SOX5: variants seen among roughly 807,000 people sequenced by gnomAD.
SOX5 encodes SRY-box transcription factor 5, also known as transcription factor SOX-5.
Under a neutral mutation model 92.0 loss-of-function variants are expected in SOX5, and 9 were observed. The ratio of observed to expected loss-of-function variants is 0.10; its 90% CI spans 0.06 to 0.17. The LOEUF (loss-of-function observed/expected upper bound fraction) is 0.17, where lower values mean the gene tolerates loss of function less well. Ranked by LOEUF, SOX5 falls within the 10% of genes least tolerant of loss-of-function variation. SOX5 has a pLI of 1.00. For synonymous variants in SOX5, 344 were observed against 336.3 expected (o/e 1.02, Z -0.25); for missense variants, 642 against 944.5 (o/e 0.68, Z 4.20).
chr12:23,914,399 A>G (rs2097389356), intron 1 of SOX5, among the ~76,000 whole-genome samples: 1 of 152,196 alleles, frequency 6.6e-6, no homozygotes, highest in South Asian at 2.1e-4. Context: ...GCTTAATTAA[A>G]TAGACATTGA....
chr12:23,683,814 C>CA (rs1168577890), intron 6 of SOX5, among the ~76,000 whole-genome samples: 2 of 152,004 alleles, frequency 1.3e-5, no homozygotes, highest in African/African-American at 2.4e-5. Flanking sequence ...CTAACCCTAA[C>CA]ACCCCATTGG....
chr12:23,543,112 G>T, intron 13 of SOX5, 99 bp downstream of exon 13: 1 of 921,668 alleles, frequency 1.1e-6, no homozygotes, highest in South Asian at 2.2e-5. Context: ...CAAATAACAC[G>T]ACCTGTATGG....
chr12:23,998,826 G>A (rs1410883214), intron 4 of SOX5, among the ~76,000 whole-genome samples: 8 of 107,654 alleles, frequency 7.4e-5, no homozygotes, highest in African/African-American at 1.4e-4. Context: ...AAAAAAAAAA[G>A]GGGGGGCGAA....
At chr12:24,360,065 GA>G (rs1490457432) in intron 2 of SOX5, among the ~76,000 whole-genome samples, 2 of 152,210 alleles carry the variant, frequency 1.3e-5, no homozygotes, top group African/African-American at 2.4e-5. Context: ...GAAGGAGACA[GA>G]ATCTTTTTGT....
intron 1 of SOX5, among the ~76,000 whole-genome samples, chr12:24,450,068 T>C (rs1942049172): frequency 6.6e-6 from 1 of 152,192 alleles, no homozygotes; most frequent in East Asian, 1.9e-4. Flanking sequence ...AACACTAATC[T>C]CAATGAGGAA....
At chr12:23,593,731 A>G (rs1951910492) in intron 9 of SOX5, among the ~76,000 whole-genome samples, 1 of 152,134 alleles carries the variant, frequency 6.6e-6, no homozygotes, top group Non-Finnish European at 1.5e-5. Context: ...TAAATTTTAT[A>G]AAAGTTTTAC....
chr12:23,698,293 T>C (rs1025070801), intron 6 of SOX5, among the ~76,000 whole-genome samples: 2 of 152,196 alleles, frequency 1.3e-5, no homozygotes, highest in African/African-American at 4.8e-5. Context: ...ATGAAATATT[T>C]TGAAAATTCT....
chr12:24,504,446 T>C (rs1948524770), intron 1 of SOX5, among the ~76,000 whole-genome samples: 1 of 152,214 alleles, frequency 6.6e-6, no homozygotes, highest in African/African-American at 2.4e-5. Flanking sequence ...ATAAATTTTT[T>C]AAGAGAAAAA....
chr12:23,874,360 T>A (rs1030652267), intron 2 of SOX5, among the ~76,000 whole-genome samples: 1 of 152,192 alleles, frequency 6.6e-6, no homozygotes, highest in Non-Finnish European at 1.5e-5. Flanking sequence ...TACTGCTGAT[T>A]GTGGACTTGA....
At chr12:23,681,171 T>G (rs1050939478) in intron 6 of SOX5, among the ~76,000 whole-genome samples, 28 of 152,050 alleles carry the variant, frequency 1.8e-4, no homozygotes, top group African/African-American at 6.5e-4. Context: ...GCTATGGTTA[T>G]TTTAAAACTC....
At chr12:23,807,645 T>TA (rs1001545874) in intron 3 of SOX5, among the ~76,000 whole-genome samples, 2 of 150,298 alleles carry the variant, frequency 1.3e-5, no homozygotes, top group African/African-American at 4.9e-5. Flanking sequence ...AAATTCCATT[T>TA]TTTTTTTTTT....
chr12:24,094,764 CCA>C (rs1344407128), intron 4 of SOX5, among the ~76,000 whole-genome samples: 2 of 152,244 alleles, frequency 1.3e-5, no homozygotes, highest in Non-Finnish European at 2.9e-5. Flanking sequence ...GCCACCATTG[CCA>C]CACATCTTGC....
Position 24,270,699 on chromosome 12 carries a change from C to A in SOX5, c.-77+6517G>T, listed in dbSNP as rs113774067. ...CTCTTTCCTCATTCGTAGATATCAG[C>A]ACTCCCTGGCTTTTACACTAGTATT... On this transcript the variant is annotated intron_variant, in intron 3 of 4. Coordinates refer to the SOX5 transcript ENST00000446891. Among the ~76,000 whole-genome samples the A allele has an allele frequency of 3.8e-3, 575 of 152,290 alleles. 9 individuals carry two copies. Among genetic ancestry groups the A allele is most frequent in the African/African-American group, 0.013 (543 of 41,566 alleles).
At position 23,987,845 on chromosome 12, in the gene SOX5, G is replaced by A. The variant is rs79618189; in HGVS notation, c.-1-91821C>T. 9.0e-3 allele frequency among the ~76,000 whole-genome samples: 1,362 copies of A among 152,138 alleles called. 16 individuals carry two copies. The highest frequency in any genetic ancestry group is 0.012 in the Non-Finnish European group (810 of 68,004). On this transcript the variant is annotated intron_variant, in intron 4 of 4. Coordinates refer to the SOX5 transcript ENST00000446891. ...AAGACACATGGTAAAATAGATGATG[G>A]GAATTCATTGAAAGGTTAAAGACAA...
At chr12:24,538,608 C>A (rs1347510698) in intron 1 of SOX5, among the ~76,000 whole-genome samples, 1 of 121,802 alleles carries the variant, frequency 8.2e-6, no homozygotes, top group African/African-American at 6.6e-5. Context: ...AACACACACA[C>A]ACACACACAC....
chr12:24,135,507 T>C (rs148034983), intron 4 of SOX5, among the ~76,000 whole-genome samples: 2,838 of 152,338 alleles, frequency 0.019, 51 homozygotes, highest in Middle Eastern at 0.071. Context: ...AGTATCTGCT[T>C]TGTGGAATGC....
chr12:23,748,834 T>G (rs1450057206), intron 4 of SOX5, among the ~76,000 whole-genome samples: 1 of 151,972 alleles, frequency 6.6e-6, no homozygotes, highest in African/African-American at 2.4e-5. Context: ...TTCATTGTAT[T>G]GCCTTTTAAT....
intron 2 of SOX5, among the ~76,000 whole-genome samples, chr12:24,343,765 G>A (rs1292812807): frequency 6.6e-6 from 1 of 152,152 alleles, no homozygotes; most frequent in Non-Finnish European, 1.5e-5. Context: ...CAGGTAAGAA[G>A]TTGGAGGGGC....
At position 24,358,018 on chromosome 12, in the gene SOX5, T is replaced by C. The variant is rs1000603847; in HGVS notation, c.-174+10545A>G. Reference sequence around the variant, plus strand: ...TAAAATCCATGCCTTGTCTACTTTGTTCATTACCATATTTTCAAGACTGGC... The same window carrying C: ...TAAAATCCATGCCTTGTCTACTTTGCTCATTACCATATTTTCAAGACTGGC... On this transcript the variant is annotated intron_variant, in intron 2 of 4. Transcript: ENST00000446891. Among the ~76,000 whole-genome samples the C allele has an allele frequency of 5.9e-5, 9 of 152,312 alleles. No individual in the cohort carries two copies. The East Asian group carries it at 1.4e-3, about 23-fold the overall frequency.
Sources: gnomAD v4.1 joint callset for allele counts (sites outside exome capture counted in the v4.1 genomes callset) on GRCh38, gnomAD v4.1.1 for gene constraint, MANE v1.5 for transcripts, NCBI Gene and HGNC (gene_info 2026-07-23, HGNC 2026-07-21) for gene names.